SDK1: variants seen among roughly 807,000 people sequenced by gnomAD.
SDK1 encodes protein sidekick-1.
SDK1 carries 157 observed loss-of-function variants against 245.5 expected under a neutral mutation model. The ratio of observed to expected loss-of-function variants is 0.64; its 90% CI spans 0.56 to 0.73. The LOEUF is 0.73. Ranked by LOEUF, SDK1 falls within the 30% of genes least tolerant of loss-of-function variation. The pLI is 0.00. For synonymous variants in SDK1, 1,647 were observed against 1,278.5 expected, an observed-to-expected ratio of 1.29 and a Z score of -6.15; for missense variants, 3,583 against 3,002.3, an observed-to-expected ratio of 1.19 and a Z score of -4.52.
At chr7:3,808,462 T>G (rs1392725402) in intron 4 of SDK1, among the ~76,000 whole-genome samples, 1 of 152,166 alleles carries the variant, frequency 6.6e-6, no homozygotes, top group Middle Eastern at 3.2e-3. Context: ...TTCAGTGGGA[T>G]TTGCTTACTG....
intron 4 of SDK1, among the ~76,000 whole-genome samples, chr7:3,778,823 G>T (rs1423903660): frequency 6.6e-6 from 1 of 152,180 alleles, no homozygotes; most frequent in Non-Finnish European, 1.5e-5. Context: ...ATTTCAAAGT[G>T]CTTCAATGAT....
At chr7:3,437,561 C>G (rs527259062) in intron 1 of SDK1, among the ~76,000 whole-genome samples, 10 of 151,984 alleles carry the variant, frequency 6.6e-5, no homozygotes, top group Middle Eastern at 3.2e-3. Flanking sequence ...TGCTTGAGGT[C>G]AGGAGTTTGA....
At chr7:3,920,161 A>C (rs983011139) in intron 5 of SDK1, among the ~76,000 whole-genome samples, 9 of 152,204 alleles carry the variant, frequency 5.9e-5, no homozygotes, top group Non-Finnish European at 1.5e-5. Context: ...GGAGAGCAGC[A>C]CTGAGGATCA....
rs117130998 is a variant in SDK1 at position 3,587,086 on chromosome 7, G to T, written c.299-31994G>T. 5.1e-3 allele frequency among the ~76,000 whole-genome samples: 784 copies of T among 152,262 alleles called. 5 individuals are homozygous for T. The highest frequency in any genetic ancestry group is 0.02 in the South Asian group (94 of 4,816). On this transcript the variant is annotated intron_variant, in intron 1 of 44. Transcript: ENST00000404826. ...GGCCCTGTCAGAGAGTGATTCTTGGGCATGTGTGAAAACCTTTGTTGAAAG... is the reference window on the plus strand; with the variant it reads ...GGCCCTGTCAGAGAGTGATTCTTGGTCATGTGTGAAAACCTTTGTTGAAAG...
chr7:3,533,244 T>A (rs1783409418), intron 1 of SDK1, among the ~76,000 whole-genome samples: 2 of 152,162 alleles, frequency 1.3e-5, no homozygotes, highest in South Asian at 4.1e-4. Flanking sequence ...GAATCCTATT[T>A]CCAACATGTG....
rs754762534 is a variant in SDK1, at chr7:4,026,753, A to G, written c.2602+9401A>G. Among the ~76,000 whole-genome samples, 3 of 152,224 alleles carry G rather than the reference A, an allele frequency of 2.0e-5. No homozygotes were observed. Among genetic ancestry groups the G allele is most frequent in the Non-Finnish European group, 4.4e-5 (3 of 68,034 alleles). On this transcript the variant is annotated intron_variant, in intron 17 of 44. Coordinates refer to ENST00000404826, the MANE Select transcript of SDK1 (RefSeq NM_152744.4). This position sits in a 1 kb window ranked among gnomAD's most constrained non-coding sequence, Gnocchi z 4.1. ...GAACCTTCAGGTCTATCAAAACTGC[A>G]AGCACCATAACAACGCGAGAACTCA...
At chr7:3,802,372 T>C (rs1251175632) in intron 4 of SDK1, among the ~76,000 whole-genome samples, 1 of 151,842 alleles carries the variant, frequency 6.6e-6, no homozygotes, top group Admixed American at 6.6e-5. Flanking sequence ...AAAATAAAAA[T>C]AAATAAATAA....
chr7:3,756,877 G>A (rs1450620989), intron 4 of SDK1, among the ~76,000 whole-genome samples: 3 of 152,182 alleles, frequency 2.0e-5, no homozygotes, highest in Admixed American at 6.5e-5. Flanking sequence ...CATATCGGGG[G>A]CACCGGTCAT....
chr7:3,378,477 T>A (rs1781406269), intron 1 of SDK1, among the ~76,000 whole-genome samples: 1 of 152,180 alleles, frequency 6.6e-6, no homozygotes, highest in Admixed American at 6.5e-5. Context: ...CTGCTTACTG[T>A]ATCAGCCATG....
chr7:3,828,004 G>A (rs898701149), intron 5 of SDK1, among the ~76,000 whole-genome samples: 6 of 152,298 alleles, frequency 3.9e-5, no homozygotes, highest in South Asian at 2.1e-4. Flanking sequence ...ACAACAGGGC[G>A]CATTGCCTCA....
chr7:3,501,644 C>G (rs1782217960), intron 1 of SDK1, among the ~76,000 whole-genome samples: 1 of 152,160 alleles, frequency 6.6e-6, no homozygotes, highest in Non-Finnish European at 1.5e-5. Flanking sequence ...ATTTGATCCA[C>G]TGTGTGTACT....
intron 1 of SDK1, among the ~76,000 whole-genome samples, chr7:3,374,194 G>A (rs1006074087): frequency 1.3e-5 from 2 of 152,062 alleles, no homozygotes; most frequent in African/African-American, 4.8e-5. Context: ...GCTGAGTCTG[G>A]AATCAGGAAC....
intron 4 of SDK1, among the ~76,000 whole-genome samples, chr7:3,665,591 T>G (rs1313586602): frequency 6.6e-6 from 1 of 152,208 alleles, no homozygotes; most frequent in Non-Finnish European, 1.5e-5. Flanking sequence ...TAAATATTTT[T>G]ATGTTTGTTT....
intron 1 of SDK1, among the ~76,000 whole-genome samples, chr7:3,592,508 C>T (rs1780910242): frequency 6.6e-6 from 1 of 152,202 alleles, no homozygotes; most frequent in African/African-American, 2.4e-5. Flanking sequence ...ATTCTTGCGA[C>T]ATTTTAATGA....
At chr7:3,422,960 T>G (rs1420858802) in intron 1 of SDK1, among the ~76,000 whole-genome samples, 2 of 152,246 alleles carry the variant, frequency 1.3e-5, no homozygotes, top group Admixed American at 6.5e-5. Flanking sequence ...ATGAGCTGGC[T>G]AATTTATATA....
chr7:3,956,593 A>G (rs1041424642), intron 7 of SDK1, among the ~76,000 whole-genome samples: 1 of 152,220 alleles, frequency 6.6e-6, no homozygotes, highest in East Asian at 1.9e-4. Flanking sequence ...TTTTCCACCC[A>G]TGCCTAGCAC....
chr7:3,749,359 G>A (rs919856341), intron 4 of SDK1, among the ~76,000 whole-genome samples: 4 of 152,070 alleles, frequency 2.6e-5, no homozygotes, highest in Non-Finnish European at 5.9e-5. Flanking sequence ...GAGTGCAATG[G>A]CACGATCTCA....
chr7:3,586,220 G>A (rs367831176), intron 1 of SDK1, among the ~76,000 whole-genome samples: 2 of 151,940 alleles, frequency 1.3e-5, no homozygotes, highest in South Asian at 2.1e-4. Context: ...AGGAAGAGAG[G>A]TAGGATTTAA....
At chr7:3,372,150 C>G (rs930983743) in intron 1 of SDK1, among the ~76,000 whole-genome samples, 12 of 152,124 alleles carry the variant, frequency 7.9e-5, no homozygotes, top group East Asian at 3.8e-4. Flanking sequence ...ACGGAGGAGA[C>G]CACCCTTAGA....
Sources: gnomAD v4.1 joint callset for allele counts (sites outside exome capture counted in the v4.1 genomes callset) on GRCh38, gnomAD v4.1.1 for gene constraint, Gnocchi (gnomAD v3.1) non-coding constraint, MANE v1.5 for transcripts, NCBI Gene and HGNC (gene_info 2026-07-23, HGNC 2026-07-21) for gene names.